CPNE8: variants seen among roughly 807,000 people sequenced by gnomAD.
The protein encoded by CPNE8 is copine-8.
CPNE8 carries 45 observed loss-of-function variants against 81.5 expected under a neutral mutation model. The observed-to-expected ratio is 0.55, with a 90% confidence interval of 0.44 to 0.71. CPNE8 has a LOEUF of 0.71. CPNE8 is among the 30% of genes least tolerant of loss of function. The probability of loss-of-function intolerance (pLI) is 0.00; values close to 1 mark genes in which losing one functional copy is unlikely to be tolerated. For missense variants in CPNE8, 594 were observed against 672.1 expected (o/e 0.88, Z 1.28); for synonymous variants, 252 against 226.3 (o/e 1.11, Z -1.02).
chr12:38,704,832 A>ATATG (rs201716600), intron 13 of CPNE8, among the ~76,000 whole-genome samples: 32 of 74,182 alleles, frequency 4.3e-4, no homozygotes, highest in African/African-American at 1.0e-3. Context: ...ATGTGTATAT[A>ATATG]TATATATATA....
At chr12:38,821,399 T>C (rs1481718779) in intron 6 of CPNE8, among the ~76,000 whole-genome samples, 1 of 152,202 alleles carries the variant, frequency 6.6e-6, no homozygotes, top group East Asian at 1.9e-4. Flanking sequence ...ATACTCAGAT[T>C]CTATCTACCA....
intron 6 of CPNE8, among the ~76,000 whole-genome samples, chr12:38,814,614 G>A (rs1353825204): frequency 6.6e-6 from 1 of 151,932 alleles, no homozygotes; most frequent in Admixed American, 6.6e-5. Context: ...TTGATTTAGG[G>A]TGGGCTATTT....
chr12:38,800,122 C>A (rs997079610), intron 6 of CPNE8, among the ~76,000 whole-genome samples: 9 of 129,702 alleles, frequency 6.9e-5, no homozygotes, highest in Non-Finnish European at 1.5e-4. Flanking sequence ...GTAGACAAAG[C>A]AGCCAGGAAG....
chr12:38,798,657 G>T (rs944824376), intron 6 of CPNE8, among the ~76,000 whole-genome samples: 1 of 150,630 alleles, frequency 6.6e-6, no homozygotes, highest in Admixed American at 6.6e-5. Flanking sequence ...GCAAAATAAC[G>T]AGCTAACATC....
chr12:38,805,901 TA>T (rs1252117515), intron 6 of CPNE8, among the ~76,000 whole-genome samples: 1 of 148,906 alleles, frequency 6.7e-6, no homozygotes, highest in African/African-American at 2.4e-5. Context: ...ATAGACACAA[TA>T]AAAAATGATA....
At chr12:38,736,234 T>TGTGTG (rs60702724) in intron 10 of CPNE8, among the ~76,000 whole-genome samples, 1,704 of 148,832 alleles carry the variant, frequency 0.011, 35 homozygotes, top group African/African-American at 0.037. Context: ...TGTGTGTGTG[T>TGTGTG]TGTGTGTGTA....
chr12:38,659,305 G>T (rs941224798), intron 19 of CPNE8, among the ~76,000 whole-genome samples: 2 of 151,826 alleles, frequency 1.3e-5, no homozygotes, highest in Non-Finnish European at 1.5e-5. Flanking sequence ...GACAAAGAAG[G>T]CCATTACATA....
At chr12:38,720,180 C>T (rs530859981) in intron 13 of CPNE8, among the ~76,000 whole-genome samples, 1 of 152,308 alleles carries the variant, frequency 6.6e-6, no homozygotes, top group African/African-American at 2.4e-5. Context: ...TTTCTTCCTG[C>T]ACAGGCAGTG....
intron 4 of CPNE8, among the ~76,000 whole-genome samples, chr12:38,847,694 GA>G (rs1943581099): frequency 6.6e-6 from 1 of 152,080 alleles, no homozygotes; most frequent in South Asian, 2.1e-4. Context: ...AGGAAAATGA[GA>G]AAGACTAGTA....
Position 38,676,995 on chromosome 12 carries a change from T to TA in CPNE8, c.1374+456dup, listed in dbSNP as rs900446572. Among the ~76,000 whole-genome samples the TA allele has an allele frequency of 7.9e-4, 40 of 50,560 alleles. No individual in the cohort carries two copies. The South Asian group carries it at 9.6e-3, about 12-fold the overall frequency. 33.2% of individuals were successfully genotyped at this position (50,560 alleles called of 152,430 possible). The stretch of plus-strand genomic sequence containing the variant: ...AGATTAGTAAACAATCAAATAACCC[T>TA]AAAAAAAAAACATACAATTAGGAAT... On this transcript the variant is annotated intron_variant, in intron 17 of 19. Transcript: ENST00000331366.
At chr12:38,878,309 G>C (rs372858396) in intron 1 of CPNE8, among the ~76,000 whole-genome samples, 2 of 152,026 alleles carry the variant, frequency 1.3e-5, no homozygotes, top group Non-Finnish European at 2.9e-5. Flanking sequence ...GGTCTGGATC[G>C]GGACACCTTT....
intron 10 of CPNE8, among the ~76,000 whole-genome samples, chr12:38,731,814 G>A (rs552124798): frequency 6.6e-6 from 1 of 152,004 alleles, no homozygotes; most frequent in East Asian, 1.9e-4. Flanking sequence ...CAATTCGTAT[G>A]AAATCCGGTA....
intron 6 of CPNE8, among the ~76,000 whole-genome samples, chr12:38,806,735 G>C (rs1942815510): frequency 1.4e-5 from 2 of 143,944 alleles, no homozygotes; most frequent in Admixed American, 1.4e-4. Context: ...TCAACATAGT[G>C]TTGGAAGTTC....
At chr12:38,719,417 A>G (rs1311686686) in intron 13 of CPNE8, among the ~76,000 whole-genome samples, 1 of 152,066 alleles carries the variant, frequency 6.6e-6, no homozygotes, top group Non-Finnish European at 1.5e-5. Context: ...CAGCATGGCC[A>G]ACATAACGAA....
intron 5 of CPNE8, among the ~76,000 whole-genome samples, chr12:38,839,162 C>T (rs564445276): frequency 3.3e-5 from 5 of 152,090 alleles, no homozygotes; most frequent in Admixed American, 1.3e-4. Context: ...TTCAGCCCTT[C>T]CTACTGGGGG....
At chr12:38,873,371 T>C (rs1055289531) in intron 2 of CPNE8, among the ~76,000 whole-genome samples, 1 of 152,214 alleles carries the variant, frequency 6.6e-6, no homozygotes, top group Admixed American at 6.5e-5. Context: ...TATTTCATTA[T>C]GTTGTGAAAA....
At chr12:38,850,126 G>A (rs1359927590) in intron 3 of CPNE8, among the ~76,000 whole-genome samples, 1 of 152,160 alleles carries the variant, frequency 6.6e-6, no homozygotes. Flanking sequence ...CGTACTTCAA[G>A]AGAACTGTGC....
chr12:38,905,555 A>G lies in CPNE8; in HGVS notation c.-21T>C, dbSNP rs773017921. 1 of 1,550,160 alleles carries G rather than the reference A, an allele frequency of 6.5e-7. No individual in the cohort carries two copies. Among genetic ancestry groups the G allele is most frequent in the South Asian group, 1.2e-5 (1 of 84,212 alleles). The stretch of plus-strand genomic sequence containing the variant: ...TCCATATTGGGAGGAGGCGCCTTGG[A>G]CTTGTCCGGCGCCCACAACCACAGC... On this transcript the variant is annotated 5_prime_UTR_variant, in exon 1 of 20. Transcript: ENST00000331366.
At chr12:38,691,964 A>G (rs1008992718) in intron 15 of CPNE8, among the ~76,000 whole-genome samples, 2 of 152,122 alleles carry the variant, frequency 1.3e-5, no homozygotes, top group Admixed American at 6.6e-5. Context: ...AACCACAGCA[A>G]TATCTAACCT....
Sources: allele counts gnomAD v4.1 joint callset (sites outside exome capture counted in the v4.1 genomes callset), GRCh38; gene constraint gnomAD v4.1.1; transcripts MANE v1.5; gene names NCBI Gene and HGNC (gene_info 2026-07-23, HGNC 2026-07-21).